The following PTPN14 variants were observed in gnomAD, a reference collection of about 807,000 sequenced individuals.
PTPN14 encodes tyrosine-protein phosphatase non-receptor type 14.
A neutral mutation model predicts 126.8 loss-of-function variants in PTPN14; 53 were observed. The ratio of observed to expected loss-of-function variants is 0.42; its 90% CI spans 0.34 to 0.53. PTPN14 has a LOEUF of 0.53. Ranked by LOEUF, PTPN14 falls within the 20% of genes least tolerant of loss-of-function variation. The pLI, the probability that PTPN14 is intolerant of heterozygous loss-of-function variation, is 0.08. For synonymous variants in PTPN14, 630 were observed against 599.3 expected (o/e 1.05, Z -0.75); for missense variants, 1,257 against 1,552.9 (o/e 0.81, Z 3.20).
At chr1:214,376,804 G>A (rs867685867) in intron 14 of PTPN14, among the ~76,000 whole-genome samples, 3 of 152,172 alleles carry the variant, frequency 2.0e-5, no homozygotes, top group Admixed American at 2.0e-4. Flanking sequence ...CTGGTCCACA[G>A]TTCTATAGCT....
At chr1:214,482,885 C>T in intron 1 of PTPN14, 2 of 1,591,108 alleles carry the variant, frequency 1.3e-6, no homozygotes, top group Non-Finnish European at 1.7e-6. Flanking sequence ...CAGGAAGATT[C>T]ATATTCTTTA....
intron 1 of PTPN14, among the ~76,000 whole-genome samples, chr1:214,517,266 A>G (rs1655127648): frequency 6.6e-6 from 1 of 151,124 alleles, no homozygotes; most frequent in Non-Finnish European, 1.5e-5. Context: ...AACAAACTTT[A>G]TGTATGTATG....
intron 3 of PTPN14, among the ~76,000 whole-genome samples, 195 bp downstream of exon 3, chr1:214,451,610 A>G (rs1032650049): frequency 1.3e-5 from 2 of 152,164 alleles, no homozygotes; most frequent in African/African-American, 4.8e-5. Flanking sequence ...TGCTGGGGTT[A>G]GCTACATGGA....
At chr1:214,449,149 G>C (rs1460908324) in intron 3 of PTPN14, among the ~76,000 whole-genome samples, 5 of 151,030 alleles carry the variant, frequency 3.3e-5, no homozygotes, top group Non-Finnish European at 5.9e-5. Context: ...TGGGACTACA[G>C]GCGCCCACCA....
rs141708379 is a variant in PTPN14, at chr1:214,419,959, T to C, written c.345-5233A>G. On this transcript the variant is annotated intron_variant, in intron 3 of 18. Transcript: ENST00000366956. ...CCTCCCTCCCTCCATCCCTCTATCC[T>C]CAAAACTCTTGAGAAGAATTTCAGT... 4.1e-3 allele frequency among the ~76,000 whole-genome samples: 623 copies of C among 152,256 alleles called. 2 individuals are homozygous for C. The highest frequency in any genetic ancestry group is 0.015 in the African/African-American group (603 of 41,554).
intron 1 of PTPN14, among the ~76,000 whole-genome samples, chr1:214,520,065 A>AAAAAAAATATATAT: frequency 5.6e-5 from 4 of 71,110 alleles, no homozygotes; most frequent in African/African-American, 2.9e-4. Flanking sequence ...AAAAAAAAAA[A>AAAAAAAATATATAT]ATATATATAT....
In PTPN14 at chr1:214,353,536, A is replaced by C. The variant is rs1443476638; in HGVS notation, c.*4386T>G. ...ATTAGATGGGGAAAGGGAGACTAGA[A>C]GGCACATTCTGCTTTTTGACAAAGG... On this transcript the variant is annotated 3_prime_UTR_variant, in exon 19 of 19. Transcript: ENST00000366956. 1 of 152,260 alleles carries C rather than the reference A, an allele frequency of 6.6e-6. No individual in the cohort carries two copies. The highest frequency in any genetic ancestry group is 2.4e-5 in the African/African-American group (1 of 41,466). 9.4% of individuals were successfully genotyped at this position (152,260 alleles called of 1,614,324 possible).
At chr1:214,492,870 C>T (rs1342271786) in intron 1 of PTPN14, among the ~76,000 whole-genome samples, 2 of 151,070 alleles carry the variant, frequency 1.3e-5, no homozygotes, top group East Asian at 1.9e-4. Context: ...AGCATTCCAG[C>T]CCGGGCAAGA....
intron 3 of PTPN14, among the ~76,000 whole-genome samples, chr1:214,432,412 A>G (rs557761458): frequency 1.2e-4 from 18 of 152,210 alleles, no homozygotes; most frequent in Non-Finnish European, 2.2e-4. Flanking sequence ...GCAGTAATAC[A>G]ATTTTTGGAA....
At position 214,499,776 on chromosome 1, in the gene PTPN14, A is replaced by AT. The variant is rs144125086; in HGVS notation, c.-154-34820dup. On this transcript the variant is annotated intron_variant, in intron 1 of 18. Coordinates refer to ENST00000366956, the MANE Select transcript of PTPN14 (RefSeq NM_005401.5). The stretch of plus-strand genomic sequence containing the variant: ...TATATTATTTCTAATTTAAGCATTC[A>AT]TTTTTTTTTAGATTGCCTAGGAGAC... Among the ~76,000 whole-genome samples the AT allele has an allele frequency of 8.1e-4, 122 of 151,310 alleles. No individual in the cohort carries two copies. The South Asian group carries it at 0.018, about 23-fold the overall frequency.
chr1:214,397,669 T>C (rs576225132), intron 8 of PTPN14, among the ~76,000 whole-genome samples: 1 of 152,292 alleles, frequency 6.6e-6, no homozygotes, highest in African/African-American at 2.4e-5. Context: ...CGAAGTTTAG[T>C]TTCATCCTTC....
intron 3 of PTPN14, 140 bp downstream of exon 3, chr1:214,451,665 C>G: frequency 2.1e-6 from 2 of 974,840 alleles, no homozygotes; most frequent in Non-Finnish European, 2.9e-6. Context: ...TAAACAACCC[C>G]CAACTATTTT....
rs1190445961 is a variant in PTPN14 at position 214,401,713 on chromosome 1, C to G, written c.641G>C (p.Gly214Ala). 4.4e-6 allele frequency: 7 copies of G among 1,593,290 alleles called. No individual in the cohort carries two copies. Among genetic ancestry groups the G allele is most frequent in the Admixed American group, 1.7e-5 (1 of 59,586 alleles). Residue 214 changes from glycine to alanine, a missense_variant, in exon 7 of 19, where the codon GGA becomes GCA. Physicochemically the swap from Gly to Ala is moderately conservative, Grantham distance 60 (BLOSUM62 0). This residue lies in a region of PTPN14 where 1,021 missense variants were observed against 1,183.3 expected (regional missense o/e 0.86). Transcript: ENST00000366956. ...TACAGGGAAGATTTCCTGTCCAAAT[C>G]CATCCAAACGTTCAACTTCATTGAT... Reference protein sequence around the residue: ...MYINEVERLDGFGQEIFPVKD... With the variant: ...MYINEVERLDAFGQEIFPVKD...
intron 6 of PTPN14, among the ~76,000 whole-genome samples, chr1:214,402,002 A>T (rs1470718495): frequency 6.6e-6 from 1 of 152,156 alleles, no homozygotes. Context: ...TTTAATTAAG[A>T]GCCACAGCCC....
intron 2 of PTPN14, among the ~76,000 whole-genome samples, chr1:214,455,282 T>C (rs1296474625): frequency 1.3e-5 from 2 of 152,216 alleles, no homozygotes; most frequent in Non-Finnish European, 2.9e-5. Context: ...TAGCTCAATT[T>C]TGAAAGCTGA....
chr1:214,481,138 T>A (rs570344734), intron 1 of PTPN14, among the ~76,000 whole-genome samples: 10 of 152,288 alleles, frequency 6.6e-5, no homozygotes, highest in African/African-American at 2.4e-4. Context: ...AAAGATTATA[T>A]CCAATCTCAC....
chr1:214,488,341 G>A (rs4639728), intron 1 of PTPN14, among the ~76,000 whole-genome samples: 2,982 of 152,130 alleles, frequency 0.02, 111 homozygotes, highest in African/African-American at 0.068. Context: ...TAGACAATAG[G>A]GATAAAACTG....
intron 3 of PTPN14, among the ~76,000 whole-genome samples, chr1:214,441,349 T>C (rs1371996019): frequency 1.3e-5 from 2 of 152,200 alleles, no homozygotes; most frequent in South Asian, 4.1e-4. Flanking sequence ...CACAGAACTA[T>C]AATATCCTCA....
chr1:214,492,775 G>A (rs957350839), intron 1 of PTPN14, among the ~76,000 whole-genome samples: 1 of 152,032 alleles, frequency 6.6e-6, no homozygotes, highest in African/African-American at 2.4e-5. Flanking sequence ...GGGGGTGGTG[G>A]TGCATGCCTG....
Sources: allele counts gnomAD v4.1 joint callset (sites outside exome capture counted in the v4.1 genomes callset), GRCh38; gene constraint gnomAD v4.1.1; regional missense constraint gnomAD v4.1.1; transcripts MANE v1.5; gene names NCBI Gene and HGNC (gene_info 2026-07-23, HGNC 2026-07-21).